Variants in SNTG1 observed in about 807,000 individuals in gnomAD.
SNTG1 encodes the protein gamma-1-syntrophin.
In SNTG1, 39 loss-of-function variants were observed where a neutral mutation model predicts 74.7. The ratio of observed to expected loss-of-function variants is 0.52; its 90% confidence interval spans 0.40 to 0.68. The LOEUF (loss-of-function observed/expected upper bound fraction) is 0.68, where lower values mean the gene tolerates loss of function less well. Among genes scored for constraint, SNTG1 ranks in the 30% least tolerant of loss-of-function variants. SNTG1 has a pLI of 0.00. For missense variants in SNTG1, 685 were observed against 609.5 expected, an observed-to-expected ratio of 1.12 and a Z score of -1.30; for synonymous variants, 254 against 217.1, an observed-to-expected ratio of 1.17 and a Z score of -1.49.
chr8:49,944,529 G>A (rs536224551), intron 1 of SNTG1, among the ~76,000 whole-genome samples: 8 of 133,714 alleles, frequency 6.0e-5, no homozygotes, highest in Non-Finnish European at 1.2e-4. Flanking sequence ...ATTGAACAAT[G>A]AGAACACATG....
chr8:50,773,378 T>C (rs1317490420), intron 18 of SNTG1, among the ~76,000 whole-genome samples: 1 of 152,114 alleles, frequency 6.6e-6, no homozygotes, highest in African/African-American at 2.4e-5. Flanking sequence ...AACTCTCAGT[T>C]CTGGCTAGCC....
At chr8:50,010,671 A>T (rs539904179) in intron 1 of SNTG1, among the ~76,000 whole-genome samples, 1 of 152,208 alleles carries the variant, frequency 6.6e-6, no homozygotes, top group Admixed American at 6.5e-5. Flanking sequence ...GTAGATTAAA[A>T]AAAAATTCTT....
At chr8:50,574,842 G>C (rs2094568056) in intron 12 of SNTG1, among the ~76,000 whole-genome samples, 1 of 152,052 alleles carries the variant, frequency 6.6e-6, no homozygotes, top group Non-Finnish European at 1.5e-5. Context: ...ATTTGCATAA[G>C]AACATGAATT....
rs559400936 is a variant in SNTG1, at chr8:49,952,278, G to A, written c.-103+40047G>A. On this transcript the variant is annotated intron_variant, in intron 1 of 18. Transcript: ENST00000642720. ...AGACAGTAGACAGATTATGAGAAGT[G>A]TTGTAAAGACTTTTTTGTGCTGTTG... is the stretch of plus-strand genomic sequence containing the variant. Among the ~76,000 whole-genome samples the A allele has an allele frequency of 4.6e-5, 7 of 152,298 alleles. No individual in the cohort carries two copies. In the South Asian group the frequency reaches 1.5e-3, roughly 32 times the overall value.
chr8:50,731,274 G>A (rs747043933), intron 17 of SNTG1, among the ~76,000 whole-genome samples: 110 of 152,010 alleles, frequency 7.2e-4, no homozygotes, highest in Non-Finnish European at 1.4e-3. Flanking sequence ...AGGAGAGAGT[G>A]GTTTCTGGTC....
intron 17 of SNTG1, among the ~76,000 whole-genome samples, chr8:50,742,118 A>G (rs73678652): frequency 0.045 from 6,908 of 151,998 alleles, 262 homozygotes; most frequent in African/African-American, 0.1. Context: ...GCTCTCAAAA[A>G]TAAAATCTAT....
chr8:50,231,194 T>C (rs2085603704), intron 2 of SNTG1, among the ~76,000 whole-genome samples: 1 of 151,136 alleles, frequency 6.6e-6, no homozygotes, highest in South Asian at 2.1e-4. Context: ...ATGGCCTTAT[T>C]TGTATTAGAA....
chr8:50,092,163 C>G (rs555852488), intron 1 of SNTG1, among the ~76,000 whole-genome samples: 1 of 152,142 alleles, frequency 6.6e-6, no homozygotes. Flanking sequence ...CCTGGCCCAT[C>G]TGGTTAAGCT....
intron 17 of SNTG1, among the ~76,000 whole-genome samples, chr8:50,710,010 A>T (rs903695792): frequency 7.2e-5 from 11 of 152,150 alleles, no homozygotes; most frequent in Admixed American, 2.0e-4. Flanking sequence ...TGTAGGAGGC[A>T]GTGGGGGTTC....
At chr8:50,196,954 C>T (rs1044675358) in intron 2 of SNTG1, among the ~76,000 whole-genome samples, 1 of 151,896 alleles carries the variant, frequency 6.6e-6, no homozygotes, top group African/African-American at 2.4e-5. Context: ...GGCACTCCAG[C>T]CTGAGTGACA....
intron 2 of SNTG1, among the ~76,000 whole-genome samples, chr8:50,310,934 C>T (rs563912977): frequency 1.3e-5 from 2 of 152,204 alleles, no homozygotes; most frequent in African/African-American, 2.4e-5. Context: ...TTTCAGCGTT[C>T]AATTGCCACC....
At chr8:50,211,155 A>T (rs1323921105) in intron 2 of SNTG1, among the ~76,000 whole-genome samples, 1 of 152,116 alleles carries the variant, frequency 6.6e-6, no homozygotes, top group African/African-American at 2.4e-5. Context: ...TGCACAATGG[A>T]TTTTTTAAAA....
chr8:50,464,732 C>G (rs960762330), intron 8 of SNTG1, among the ~76,000 whole-genome samples: 1 of 151,860 alleles, frequency 6.6e-6, no homozygotes, highest in African/African-American at 2.4e-5. Context: ...GAGTGGAACT[C>G]TGTCTCAAAA....
intron 12 of SNTG1, among the ~76,000 whole-genome samples, chr8:50,579,485 G>A (rs146849600): frequency 1.5e-3 from 228 of 152,258 alleles, no homozygotes; most frequent in Admixed American, 5.7e-3. Context: ...TCTTCAGGGC[G>A]TGTCAGAGAC....
chr8:50,147,714 CA>C (rs1193023570), intron 1 of SNTG1, among the ~76,000 whole-genome samples: 3 of 152,044 alleles, frequency 2.0e-5, no homozygotes, highest in African/African-American at 7.2e-5. Flanking sequence ...TTATTTAATT[CA>C]ATAACAGATA....
intron 2 of SNTG1, among the ~76,000 whole-genome samples, chr8:50,254,105 C>T (rs2086769920): frequency 6.6e-6 from 1 of 152,088 alleles, no homozygotes; most frequent in South Asian, 2.1e-4. Flanking sequence ...CACTCGATAC[C>T]TTGATTTCAT....
intron 2 of SNTG1, among the ~76,000 whole-genome samples, chr8:50,208,332 T>G (rs2084344341): frequency 6.6e-6 from 1 of 152,172 alleles, no homozygotes; most frequent in Admixed American, 6.5e-5. Context: ...CTTTGTCTCT[T>G]TTGATCTTTG....
At chr8:50,729,577 T>C (rs925684364) in intron 17 of SNTG1, among the ~76,000 whole-genome samples, 1 of 152,162 alleles carries the variant, frequency 6.6e-6, no homozygotes, top group African/African-American at 2.4e-5. Context: ...TAGCAGGCAA[T>C]CCATGTCCAA....
At chr8:50,358,472 A>G (rs1328081117) in intron 2 of SNTG1, among the ~76,000 whole-genome samples, 1 of 152,184 alleles carries the variant, frequency 6.6e-6, no homozygotes, top group South Asian at 2.1e-4. Flanking sequence ...AAAATCACAT[A>G]AAGTGGGATG....
Sources: allele counts gnomAD v4.1 joint callset (sites outside exome capture counted in the v4.1 genomes callset), GRCh38; gene constraint gnomAD v4.1.1; transcripts MANE v1.5; gene names NCBI Gene and HGNC (gene_info 2026-07-23, HGNC 2026-07-21).